Variants in APP observed in about 807,000 individuals in gnomAD.
The protein encoded by APP is amyloid-beta precursor protein.
In APP, 31 loss-of-function variants were observed where a neutral mutation model predicts 101.4. The ratio of observed to expected loss-of-function variants is 0.31; its 90% confidence interval spans 0.23 to 0.41. The LOEUF is 0.41. Among genes scored for constraint, APP ranks in the 10% least tolerant of loss-of-function variants. The pLI is 1.00. For synonymous variants in APP, 366 were observed against 364.4 expected, an observed-to-expected ratio of 1.00 and a Z score of -0.05; for missense variants, 839 against 1,003.7, an observed-to-expected ratio of 0.84 and a Z score of 2.22.
At chr21:25,943,478 A>C (rs2040668869) in intron 13 of APP, among the ~76,000 whole-genome samples, 1 of 126,324 alleles carries the variant, frequency 7.9e-6, no homozygotes, top group Admixed American at 9.1e-5. Context: ...TTTGAGATGG[A>C]GTCTCGTTCT....
intron 3 of APP, among the ~76,000 whole-genome samples, chr21:26,083,494 G>A (rs2061638591): frequency 1.3e-5 from 2 of 152,164 alleles, no homozygotes; most frequent in Admixed American, 1.3e-4. Flanking sequence ...TAGACTGCAA[G>A]GAAGCCAAAT....
chr21:26,027,728 A>T (rs1264785999), intron 5 of APP, among the ~76,000 whole-genome samples: 1 of 152,138 alleles, frequency 6.6e-6, no homozygotes, highest in African/African-American at 2.4e-5. Flanking sequence ...GTGTGGTCTT[A>T]AAAAACTTTG....
intron 6 of APP, among the ~76,000 whole-genome samples, chr21:26,006,400 T>TG (rs2043532486): frequency 6.6e-6 from 1 of 152,216 alleles, no homozygotes; most frequent in South Asian, 2.1e-4. Flanking sequence ...GAAATGCTGG[T>TG]GTATACGAAA....
At chr21:25,905,808 T>C (rs1429417036) in intron 14 of APP, among the ~76,000 whole-genome samples, 2 of 152,228 alleles carry the variant, frequency 1.3e-5, no homozygotes, top group African/African-American at 4.8e-5. Context: ...CAGCATGATA[T>C]TCCTCACCAT....
intron 1 of APP, among the ~76,000 whole-genome samples, chr21:26,150,606 C>CAGACAGATAGAT (rs2063246802): frequency 3.4e-5 from 5 of 148,678 alleles, no homozygotes; most frequent in East Asian, 2.0e-4. Context: ...TCTAGATAGA[C>CAGACAGATAGAT]AGATAGATAG....
At chr21:26,167,593 CAT>C (rs1364896273) in intron 1 of APP, among the ~76,000 whole-genome samples, 1 of 152,174 alleles carries the variant, frequency 6.6e-6, no homozygotes, top group Non-Finnish European at 1.5e-5. Context: ...AAAACAGTAA[CAT>C]AAAATAGAGA....
rs117476099 is a variant in APP, at chr21:26,031,098, C to T, written c.663-9056G>A. On this transcript the variant is annotated intron_variant, in intron 5 of 17. Coordinates refer to ENST00000346798, the MANE Select transcript of APP (RefSeq NM_000484.4). ...GGGTGGGCTGGGGCTGGTAGTTGGC[C>T]GGGCTGTTGCAGTTTCTACAGAAGA... Among the ~76,000 whole-genome samples, 99 of 151,880 alleles carry T rather than the reference C, an allele frequency of 6.5e-4. 1 individual carries two copies. The highest frequency in any genetic ancestry group is 6.8e-3 in the Middle Eastern group (2 of 294).
intron 13 of APP, among the ~76,000 whole-genome samples, chr21:25,913,314 G>C (rs1437048034): frequency 6.6e-6 from 1 of 152,202 alleles, no homozygotes; most frequent in Non-Finnish European, 1.5e-5. Flanking sequence ...TAGTCCTTTT[G>C]AAGTCTAATC....
chr21:25,972,769 T>C (rs1437094776), intron 11 of APP, among the ~76,000 whole-genome samples: 1 of 151,826 alleles, frequency 6.6e-6, no homozygotes, highest in Non-Finnish European at 1.5e-5. Flanking sequence ...GCGCAAAGAG[T>C]TTACAGCACC....
intron 1 of APP, among the ~76,000 whole-genome samples, chr21:26,157,076 CTCT>C (rs1441071834): frequency 6.6e-6 from 1 of 151,986 alleles, no homozygotes; most frequent in African/African-American, 2.4e-5. Flanking sequence ...TTTTTGATTA[CTCT>C]TTTTTTTTGA....
chr21:25,928,636 G>A (rs1282498909), intron 13 of APP: 2 of 151,950 alleles, frequency 1.3e-5, no homozygotes, highest in Non-Finnish European at 2.9e-5. Flanking sequence ...TACATATTTG[G>A]ATGTCTTCCT....
rs774118575 is a variant in APP, at chr21:26,057,948, T to C, written c.356-4600A>G. Reference sequence around the variant, plus strand: ...GACTTAAATTAGCTAGCAAGCCATATAGAACAGCTGGGAATGCAGTCAGCG... The same window carrying C: ...GACTTAAATTAGCTAGCAAGCCATACAGAACAGCTGGGAATGCAGTCAGCG... On this transcript the variant is annotated intron_variant, in intron 3 of 17. Transcript: ENST00000346798. 1.2e-4 allele frequency among the ~76,000 whole-genome samples: 18 copies of C among 152,330 alleles called. No individual in the cohort carries two copies. In the South Asian group the frequency reaches 1.2e-3, roughly 11 times the overall value.
chr21:26,127,148 T>G (rs1475037996), intron 1 of APP, among the ~76,000 whole-genome samples: 2 of 151,964 alleles, frequency 1.3e-5, no homozygotes, highest in African/African-American at 4.8e-5. Flanking sequence ...CAATTTATAA[T>G]AGTAATCTTT....
intron 6 of APP, among the ~76,000 whole-genome samples, chr21:26,016,658 G>A (rs562582224): frequency 2.6e-5 from 4 of 152,112 alleles, no homozygotes; most frequent in African/African-American, 4.8e-5. Context: ...TGCAACCTCC[G>A]CCTCCTAGGT....
chr21:26,122,960 A>T (rs1405321978), intron 1 of APP, among the ~76,000 whole-genome samples: 1 of 152,170 alleles, frequency 6.6e-6, no homozygotes, highest in African/African-American at 2.4e-5. Flanking sequence ...ATTCACATGG[A>T]TGTAAAGATA....
rs79339722 is a variant in APP at position 25,915,109 on chromosome 21, G to C, written c.1688-3147C>G. Among the ~76,000 whole-genome samples, 590 of 152,276 alleles carry C rather than the reference G, an allele frequency of 3.9e-3. 6 individuals carry two copies. The highest frequency in any genetic ancestry group is 0.033 in the East Asian group (170 of 5,172). On this transcript the variant is annotated intron_variant, in intron 13 of 17. Transcript: ENST00000346798. ...AGATGCTGAAGGCCCTCTGTGGTCT[G>C]GGCCCACCCCGTATTTCTAGCCATG...
chr21:25,881,917 T>C lies in APP; in HGVS notation c.2212-146A>G, dbSNP rs183092250. On this transcript the variant is annotated intron_variant, in intron 17 of 17. Coordinates refer to ENST00000346798, the MANE Select transcript of APP (RefSeq NM_000484.4). ...CATAATTTTCTCCCCCACTTTGACA[T>C]CTTGGAGCAGAACGCCTTTGCCCAC... 69 of 854,840 alleles carry C rather than the reference T, an allele frequency of 8.1e-5. 1 individual carries two copies. In the Admixed American group the frequency reaches 1.1e-3, roughly 13 times the overall value. The allele number at this position is 854,840 out of a possible 1,614,324, so 53.0% of individuals were successfully genotyped here. A position where few individuals can be genotyped will look rare whatever the true frequency, so the allele number is the denominator to read the frequency against.
intron 11 of APP, among the ~76,000 whole-genome samples, chr21:25,973,853 T>C (rs2042125557): frequency 6.7e-6 from 1 of 150,196 alleles, no homozygotes; most frequent in African/African-American, 2.5e-5. Flanking sequence ...GGCATGAGAA[T>C]TGCTTAAACC....
chr21:25,999,935 G>A, intron 7 of APP, 80 bp downstream of exon 7: 1 of 1,513,940 alleles, frequency 6.6e-7, no homozygotes. Flanking sequence ...CAAGAACCAG[G>A]AAAATCAATC....
Sources: gnomAD v4.1 joint callset for allele counts (sites outside exome capture counted in the v4.1 genomes callset) on GRCh38, gnomAD v4.1.1 for gene constraint, MANE v1.5 for transcripts, NCBI Gene and HGNC (gene_info 2026-07-23, HGNC 2026-07-21) for gene names.